The following GFRA1 variants were observed in gnomAD, a reference collection of about 807,000 sequenced individuals.
GFRA1 encodes GDNF family receptor alpha 1.
In GFRA1, 16 loss-of-function variants were observed where a neutral mutation model predicts 51.6. The observed-to-expected ratio is 0.31, with a 90% CI of 0.21 to 0.47. GFRA1 has a LOEUF of 0.47. Ranked by LOEUF, GFRA1 falls within the 20% of genes least tolerant of loss-of-function variation. The probability of loss-of-function intolerance (pLI) is 1.00; values close to 1 mark genes in which losing one functional copy is unlikely to be tolerated. For synonymous variants in GFRA1, 270 were observed against 241.3 expected (o/e 1.12, Z -1.10); for missense variants, 530 against 594.3 (o/e 0.89, Z 1.13).
At chr10:116,144,637 G>T (rs79447566) in intron 5 of GFRA1, among the ~76,000 whole-genome samples, 2,694 of 152,096 alleles carry the variant, frequency 0.018, 35 homozygotes, top group Middle Eastern at 0.058. Flanking sequence ...TGACAACTGA[G>T]TATTCCCTTG....
chr10:116,121,627 C>G (rs1957649627), intron 6 of GFRA1, among the ~76,000 whole-genome samples: 1 of 152,298 alleles, frequency 6.6e-6, no homozygotes, highest in East Asian at 1.9e-4. Flanking sequence ...TTTTAATGAG[C>G]TTGAACAGCT....
At chr10:116,217,928 G>A (rs1423924383) in intron 4 of GFRA1, among the ~76,000 whole-genome samples, 1 of 152,032 alleles carries the variant, frequency 6.6e-6, no homozygotes, top group Non-Finnish European at 1.5e-5. Context: ...AAACCTCTGC[G>A]ACTTGCATAG....
At chr10:116,164,847 T>C (rs1484957328) in intron 5 of GFRA1, among the ~76,000 whole-genome samples, 4 of 152,160 alleles carry the variant, frequency 2.6e-5, no homozygotes, top group Non-Finnish European at 4.4e-5. Context: ...CTTATTTTCT[T>C]TCCAGTTGCG....
chr10:116,146,200 A>G (rs1958793780), intron 5 of GFRA1, among the ~76,000 whole-genome samples: 1 of 152,226 alleles, frequency 6.6e-6, no homozygotes, highest in African/African-American at 2.4e-5. Context: ...AACAGAATTC[A>G]CTATCTGAGC....
chr10:116,187,944 A>G (rs922491136), intron 5 of GFRA1, among the ~76,000 whole-genome samples: 1 of 152,182 alleles, frequency 6.6e-6, no homozygotes, highest in East Asian at 1.9e-4. Context: ...CTTACTGAGC[A>G]CTGACTGGGT....
At chr10:116,072,230 G>A (rs1955432110) in intron 9 of GFRA1, among the ~76,000 whole-genome samples, 1 of 152,106 alleles carries the variant, frequency 6.6e-6, no homozygotes, top group African/African-American at 2.4e-5. Flanking sequence ...AAATATATTT[G>A]ATGACTGTTA....
chr10:116,233,982 A>G (rs991256579), intron 4 of GFRA1, among the ~76,000 whole-genome samples: 5 of 152,070 alleles, frequency 3.3e-5, no homozygotes, highest in African/African-American at 1.2e-4. Context: ...TCACTTTTGG[A>G]TATGGTTCCT....
chr10:116,117,520 G>A (rs745404603), intron 6 of GFRA1, among the ~76,000 whole-genome samples: 3 of 143,752 alleles, frequency 2.1e-5, no homozygotes, highest in Non-Finnish European at 4.5e-5. Flanking sequence ...GTAAGTGCAG[G>A]CCAGATGGAT....
chr10:116,104,285 T>A (rs932619817), intron 6 of GFRA1, among the ~76,000 whole-genome samples: 2 of 152,256 alleles, frequency 1.3e-5, no homozygotes. Context: ...AAGGCCCCTG[T>A]GGCCAAGTAC....
intron 5 of GFRA1, among the ~76,000 whole-genome samples, chr10:116,164,645 C>G (rs185673852): frequency 2.0e-5 from 3 of 152,312 alleles, no homozygotes; most frequent in Admixed American, 2.0e-4. Context: ...ATTTAATATA[C>G]TTGCGTTATG....
chr10:116,227,851 G>T (rs1966409091), intron 4 of GFRA1, among the ~76,000 whole-genome samples: 1 of 152,156 alleles, frequency 6.6e-6, no homozygotes, highest in African/African-American at 2.4e-5. Context: ...CACTTAGAAT[G>T]GGCCATGCAA....
chr10:116,097,357 C>G (rs1956642587), intron 6 of GFRA1, among the ~76,000 whole-genome samples: 1 of 152,120 alleles, frequency 6.6e-6, no homozygotes, highest in African/African-American at 2.4e-5. Flanking sequence ...AAGGGGAAGC[C>G]AAGAGGGACA....
intron 4 of GFRA1, among the ~76,000 whole-genome samples, chr10:116,236,508 G>C (rs996104647): frequency 2.6e-5 from 4 of 152,034 alleles, no homozygotes; most frequent in African/African-American, 9.7e-5. Context: ...GGAAGCAGGC[G>C]ATCTGAGAAA....
At chr10:116,073,793 T>G (rs754698397) in intron 9 of GFRA1, among the ~76,000 whole-genome samples, 2 of 152,206 alleles carry the variant, frequency 1.3e-5, no homozygotes, top group East Asian at 3.9e-4. Flanking sequence ...TCCTGTGCAT[T>G]TATGTGCAGC....
rs989494286 is a variant in GFRA1, at chr10:116,272,617, G to C, written c.-246-342C>G. ...GCCTGGAGTCCGAGCCCTCGGTGGCGGCGGCGGCAGCTCCCTAGCCAGCCC... is the reference window on the plus strand; with the variant it reads ...GCCTGGAGTCCGAGCCCTCGGTGGCCGCGGCGGCAGCTCCCTAGCCAGCCC... On this transcript the variant is annotated intron_variant, in intron 1 of 10. Coordinates refer to ENST00000355422, the MANE Select transcript of GFRA1 (RefSeq NM_005264.8). This position sits in a 1 kb window ranked among gnomAD's most constrained non-coding sequence, Gnocchi z 4.4. 5 of 152,560 alleles carry C rather than the reference G, an allele frequency of 3.3e-5. No homozygotes were observed. Among genetic ancestry groups the C allele is most frequent in the African/African-American group, 1.2e-4 (5 of 41,422 alleles). 9.5% of individuals were successfully genotyped at this position (152,560 alleles called of 1,614,324 possible).
At chr10:116,131,159 GA>G (rs1417710265) in intron 5 of GFRA1, among the ~76,000 whole-genome samples, 2 of 152,170 alleles carry the variant, frequency 1.3e-5, no homozygotes, top group Non-Finnish European at 2.9e-5. Context: ...AGTAGCATCT[GA>G]AATGTGTTCA....
chr10:116,207,041 T>C (rs1216612155), intron 5 of GFRA1, among the ~76,000 whole-genome samples: 1 of 152,200 alleles, frequency 6.6e-6, no homozygotes, highest in African/African-American at 2.4e-5. Flanking sequence ...TACTGTACTT[T>C]ATTAACTCAA....
intron 5 of GFRA1, among the ~76,000 whole-genome samples, chr10:116,191,454 G>A (rs554517129): frequency 6.6e-6 from 1 of 152,072 alleles, no homozygotes; most frequent in Non-Finnish European, 1.5e-5. Context: ...TTGTCACCAG[G>A]CAATAAACTT....
chr10:116,117,796 T>A (rs1957488878), intron 6 of GFRA1, among the ~76,000 whole-genome samples: 1 of 152,156 alleles, frequency 6.6e-6, no homozygotes, highest in Non-Finnish European at 1.5e-5. Flanking sequence ...GAGAAACAGA[T>A]GGACGGATAT....
Sources: gnomAD v4.1 joint callset for allele counts (sites outside exome capture counted in the v4.1 genomes callset) on GRCh38, gnomAD v4.1.1 for gene constraint, Gnocchi (gnomAD v3.1) non-coding constraint, MANE v1.5 for transcripts, NCBI Gene and HGNC (gene_info 2026-07-23, HGNC 2026-07-21) for gene names.